Variants in RPS6KA2 observed in about 807,000 individuals in gnomAD.
The protein encoded by RPS6KA2 is ribosomal protein S6 kinase alpha-2.
In RPS6KA2, 42 loss-of-function variants were observed where a neutral mutation model predicts 91.8. That is an observed-to-expected ratio of 0.46 (90% CI 0.36 to 0.59). RPS6KA2 has a LOEUF of 0.59. Among genes scored for constraint, RPS6KA2 ranks in the 20% least tolerant of loss-of-function variants. RPS6KA2 has a pLI of 0.00. For missense variants in RPS6KA2, 798 were observed against 978.5 expected (o/e 0.82, Z 2.46); for synonymous variants, 414 against 393.6 (o/e 1.05, Z -0.61).
rs145893882 is a variant in RPS6KA2, at chr6:166,671,891, C to T, written c.124-133107G>A. 5.9e-5 allele frequency among the ~76,000 whole-genome samples: 9 copies of T among 152,266 alleles called. No individual in the cohort carries two copies. The East Asian group carries it at 1.7e-3, about 29-fold the overall frequency. Reference sequence around the variant, plus strand: ...GAGATGCAAATTGGGTGGGGCAGAGCTCACCGAGGTTCAGATTCGCAGGAG... The same window carrying T: ...GAGATGCAAATTGGGTGGGGCAGAGTTCACCGAGGTTCAGATTCGCAGGAG... On this transcript the variant is annotated intron_variant, in intron 2 of 21. Coordinates refer to the RPS6KA2 transcript ENST00000503859.
At chr6:166,564,282 G>A (rs1362875331) in intron 1 of RPS6KA2, among the ~76,000 whole-genome samples, 2 of 152,132 alleles carry the variant, frequency 1.3e-5, no homozygotes, top group Admixed American at 1.3e-4. Context: ...AATCCTTACC[G>A]TTTCTGCCTA....
At chr6:166,779,652 GC>G (rs926473530) in intron 2 of RPS6KA2, among the ~76,000 whole-genome samples, 1 of 152,212 alleles carries the variant, frequency 6.6e-6, no homozygotes, top group African/African-American at 2.4e-5. Flanking sequence ...CGTCCACAGA[GC>G]ACTTGCTCTG....
Position 166,433,625 on chromosome 6 carries a change from G to A in RPS6KA2, c.1333-1135C>T, listed in dbSNP as rs1354235581. Among the ~76,000 whole-genome samples the A allele has an allele frequency of 6.6e-6, 1 of 152,194 alleles. No homozygotes were observed. The highest frequency in any genetic ancestry group is 1.5e-5 in the Non-Finnish European group (1 of 68,038). On this transcript the variant is annotated intron_variant, in intron 14 of 20. Coordinates refer to ENST00000265678, the MANE Select transcript of RPS6KA2 (RefSeq NM_021135.6). This position sits in a 1 kb window ranked among gnomAD's most constrained non-coding sequence, Gnocchi z 4.4. ...CATGATTTGTACTATTCTCACATTA[G>A]TTCAACCTAATTTTAAAATAGTCTC...
chr6:166,560,738 A>G (rs144383649), intron 1 of RPS6KA2, among the ~76,000 whole-genome samples: 33 of 152,282 alleles, frequency 2.2e-4, no homozygotes, highest in East Asian at 3.9e-4. Flanking sequence ...TGCAGGTGCA[A>G]CGTGACCAAG....
chr6:166,430,608 A>G lies in RPS6KA2; in HGVS notation c.1426T>C (p.Tyr476His). 1 of 1,611,246 alleles carries G rather than the reference A, an allele frequency of 6.2e-7. No homozygotes were observed. The highest frequency in any genetic ancestry group is 1.7e-5 in the Admixed American group (1 of 59,818). Residue 476 changes from tyrosine to histidine, a missense_variant, in exon 16 of 21, where the codon TAT (tyrosine) becomes CAT (histidine). Coordinates refer to ENST00000265678, the MANE Select transcript of RPS6KA2 (RefSeq NM_021135.6). ...HPNIITLKDV[Y>H]DDGKFVYLVM... is the part of the protein sequence containing the mutation. The stretch of plus-strand genomic sequence containing the variant: ...AGGTACACAAACTTGCCATCATCAT[A>G]GACCTGCGGAGTGGAGAAGGGGCGC...
chr6:166,639,388 C>T lies in RPS6KA2; in HGVS notation c.124-100604G>A, dbSNP rs907803846. On this transcript the variant is annotated intron_variant, in intron 2 of 21. Coordinates refer to the RPS6KA2 transcript ENST00000503859. This position sits in a 1 kb window ranked among gnomAD's most constrained non-coding sequence, Gnocchi z 4.2. ...TCCAACCCTGCCCTCCATAACACAG[C>T]GTGGGTCCTCCTTAGCTCTTGCCAG... 6.6e-6 allele frequency among the ~76,000 whole-genome samples: 1 copy of T among 152,200 alleles called. No individual in the cohort carries two copies. Among genetic ancestry groups the T allele is most frequent in the African/African-American group, 2.4e-5 (1 of 41,448 alleles).
chr6:166,533,442 G>A lies in RPS6KA2; in HGVS notation c.217-2129C>T, dbSNP rs550111040. Among the ~76,000 whole-genome samples the A allele has an allele frequency of 6.6e-6, 1 of 152,252 alleles. No individual in the cohort carries two copies. Among genetic ancestry groups the A allele is most frequent in the Non-Finnish European group, 1.5e-5 (1 of 68,050 alleles). On this transcript the variant is annotated intron_variant, in intron 2 of 20. Transcript: ENST00000265678. The surrounding 1 kb of genome is among the most constrained non-coding windows in gnomAD (Gnocchi z 4.0). ...CTGGGTCCCAAAAAAGTCGGAGGGG[G>A]TGTGGAACAAGGGACAGTTGTGTTT...
chr6:166,701,248 G>A (rs1789509190), intron 2 of RPS6KA2: 1 of 1,612,060 alleles, frequency 6.2e-7, no homozygotes, highest in Admixed American at 1.7e-5. Flanking sequence ...ATTCTCATCA[G>A]GTGTCTGGTC....
chr6:166,571,103 C>T (rs1562586738), intron 1 of RPS6KA2, among the ~76,000 whole-genome samples: 1 of 152,340 alleles, frequency 6.6e-6, no homozygotes, highest in East Asian at 1.9e-4. Flanking sequence ...AGGACGCACC[C>T]CAGGACCGAT....
chr6:166,711,232 T>C (rs1047634373), intron 2 of RPS6KA2, among the ~76,000 whole-genome samples: 1 of 150,180 alleles, frequency 6.7e-6, no homozygotes, highest in Non-Finnish European at 1.5e-5. Flanking sequence ...CTTCCTTCAT[T>C]GCAGTAATGA....
chr6:166,861,525 C>T (rs1781046844), intron 1 of RPS6KA2, among the ~76,000 whole-genome samples: 1 of 152,224 alleles, frequency 6.6e-6, no homozygotes, highest in Non-Finnish European at 1.5e-5. Context: ...TTCCTGCACA[C>T]CCACCAGCCC....
chr6:166,487,549 C>T (rs567323952), intron 10 of RPS6KA2, among the ~76,000 whole-genome samples: 3 of 152,098 alleles, frequency 2.0e-5, no homozygotes, highest in Non-Finnish European at 2.9e-5. Context: ...TATCTGCTTA[C>T]ACAGAGGAGA....
At chr6:166,704,341 C>G (rs1789616159) in intron 2 of RPS6KA2, among the ~76,000 whole-genome samples, 2 of 152,220 alleles carry the variant, frequency 1.3e-5, no homozygotes, top group Admixed American at 1.3e-4. Context: ...GGAACACTGA[C>G]GAGGCATGCG....
intron 1 of RPS6KA2, among the ~76,000 whole-genome samples, chr6:166,599,775 G>A (rs546016780): frequency 3.3e-5 from 5 of 152,324 alleles, no homozygotes; most frequent in Admixed American, 6.5e-5. Flanking sequence ...TGTGAGGATC[G>A]TGTTAAGTGC....
chr6:166,696,428 C>T (rs1027214882), intron 2 of RPS6KA2, among the ~76,000 whole-genome samples: 1 of 152,224 alleles, frequency 6.6e-6, no homozygotes, highest in Admixed American at 6.5e-5. Flanking sequence ...AATATCTCCA[C>T]TCTCTGGTAG....
At chr6:166,698,574 T>C (rs1789419902) in intron 2 of RPS6KA2, among the ~76,000 whole-genome samples, 1 of 152,206 alleles carries the variant, frequency 6.6e-6, no homozygotes, top group African/African-American at 2.4e-5. Flanking sequence ...CTGTCAGGTA[T>C]TAGACAGACA....
chr6:166,658,539 C>T (rs938886357), intron 2 of RPS6KA2, among the ~76,000 whole-genome samples: 1 of 152,122 alleles, frequency 6.6e-6, no homozygotes, highest in African/African-American at 2.4e-5. Flanking sequence ...ACTTCAAAAC[C>T]ACGCACTGAA....
At chr6:166,599,464 T>A (rs990537371) in intron 1 of RPS6KA2, among the ~76,000 whole-genome samples, 2 of 152,108 alleles carry the variant, frequency 1.3e-5, no homozygotes, top group African/African-American at 4.8e-5. Flanking sequence ...CAAAGGGAAG[T>A]AATTAAGCAA....
chr6:166,623,894 A>C (rs984170914), intron 1 of RPS6KA2, among the ~76,000 whole-genome samples: 17 of 152,242 alleles, frequency 1.1e-4, no homozygotes, highest in African/African-American at 3.9e-4. Context: ...TTTCATTTTA[A>C]TCTGTAATTA....
Sources: allele counts gnomAD v4.1 joint callset (sites outside exome capture counted in the v4.1 genomes callset), GRCh38; gene constraint gnomAD v4.1.1; non-coding constraint Gnocchi (gnomAD v3.1); transcripts MANE v1.5; gene names NCBI Gene and HGNC (gene_info 2026-07-23, HGNC 2026-07-21).